The following BAIAP2L1 variants were observed in gnomAD, a reference collection of about 807,000 sequenced individuals.
BAIAP2L1 encodes the protein BAR/IMD domain containing adaptor protein 2 like 1, also known as BAR/IMD domain-containing adapter protein 2-like 1.
BAIAP2L1 carries 35 observed loss-of-function variants against 66.3 expected under a neutral mutation model. That is an observed-to-expected ratio of 0.53 (90% CI 0.40 to 0.70). The LOEUF (loss-of-function observed/expected upper bound fraction) is 0.70, where lower values mean the gene tolerates loss of function less well. Ranked by LOEUF, BAIAP2L1 falls within the 30% of genes least tolerant of loss-of-function variation. The pLI is 0.00. For missense variants in BAIAP2L1, 622 were observed against 656.9 expected (o/e 0.95, Z 0.58); for synonymous variants, 269 against 248.7 (o/e 1.08, Z -0.77).
chr7:98,365,464 C>A (rs188965226), intron 1 of BAIAP2L1, among the ~76,000 whole-genome samples: 123 of 152,110 alleles, frequency 8.1e-4, no homozygotes, highest in African/African-American at 2.8e-3. Flanking sequence ...TTCTTGATTG[C>A]TCTTTTTGTT....
intron 1 of BAIAP2L1, among the ~76,000 whole-genome samples, chr7:98,399,018 A>G (rs1312682957): frequency 1.3e-5 from 2 of 152,190 alleles, no homozygotes; most frequent in Admixed American, 6.6e-5. Flanking sequence ...CAGAGCAGCC[A>G]CTACTTACTT....
At chr7:98,339,156 T>C (rs576529002) in intron 3 of BAIAP2L1, among the ~76,000 whole-genome samples, 31 of 152,030 alleles carry the variant, frequency 2.0e-4, no homozygotes, top group African/African-American at 7.0e-4. Context: ...TCCTTGGTCA[T>C]ACGGTAATTC....
intron 1 of BAIAP2L1, among the ~76,000 whole-genome samples, chr7:98,388,441 C>T (rs572675577): frequency 2.0e-5 from 3 of 152,170 alleles, no homozygotes; most frequent in East Asian, 1.9e-4. Flanking sequence ...TGCAGTGAGC[C>T]GAGATCGCAC....
At chr7:98,332,809 CAAAAAAAAAAAA>C (rs55756451) in intron 3 of BAIAP2L1, among the ~76,000 whole-genome samples, 1 of 83,706 alleles carries the variant, frequency 1.2e-5, no homozygotes, top group Non-Finnish European at 2.2e-5. Flanking sequence ...ACTTCGTCCC[CAAAAAAAAAAAA>C]AAAAAAAAAA....
intron 12 of BAIAP2L1, among the ~76,000 whole-genome samples, chr7:98,301,922 C>T (rs927258188): frequency 6.6e-6 from 1 of 152,116 alleles, no homozygotes; most frequent in African/African-American, 2.4e-5. Flanking sequence ...TCACCCCCTG[C>T]AGGCAGCCCC....
intron 12 of BAIAP2L1, among the ~76,000 whole-genome samples, chr7:98,301,559 C>T (rs1181875081): frequency 2.0e-5 from 3 of 151,476 alleles, no homozygotes; most frequent in Admixed American, 6.6e-5. Flanking sequence ...CCTCGTGATC[C>T]GCCCACTTCG....
chr7:98,382,908 C>T (rs1802792244), intron 1 of BAIAP2L1, among the ~76,000 whole-genome samples: 1 of 152,126 alleles, frequency 6.6e-6, no homozygotes, highest in Admixed American at 6.6e-5. Context: ...TTGCTTTGTT[C>T]TTAGAGGTAC....
chr7:98,381,222 A>G (rs1190347066), intron 1 of BAIAP2L1, among the ~76,000 whole-genome samples: 1 of 152,170 alleles, frequency 6.6e-6, no homozygotes, highest in Non-Finnish European at 1.5e-5. Context: ...TTTCCAGGCA[A>G]AAGTCCTTAC....
intron 3 of BAIAP2L1, among the ~76,000 whole-genome samples, chr7:98,339,568 G>A (rs1584468753): frequency 2.6e-5 from 4 of 152,186 alleles, no homozygotes; most frequent in Admixed American, 2.6e-4. Context: ...TGGCACCATG[G>A]TGTGCCCGGG....
At position 98,306,462 on chromosome 7, in the gene BAIAP2L1, T is replaced by C. The variant is rs1385819279; in HGVS notation, c.1218A>G (p.Glu406=). The C allele has an allele frequency of 1.9e-6, 3 of 1,614,126 alleles. No individual in the cohort carries two copies. The Admixed American group carries it at 5.0e-5, about 27-fold the overall frequency. The change falls in exon 11 of 14, where the codon GAA becomes GAG. Residue 406 remains glutamate (E), a synonymous_variant. Transcript: ENST00000005260. ...YTKLLEENET[E]AVTVPTPSPT... is the part of the protein sequence containing the mutation. ...ACCTTGGCGTGGGCACGGTCACTGC[T>C]TCTGTCTCATTTTCTTCCAGCAACT... is the stretch of plus-strand genomic sequence containing the variant.
chr7:98,334,605 C>T (rs1443206468), intron 3 of BAIAP2L1, among the ~76,000 whole-genome samples: 1 of 151,984 alleles, frequency 6.6e-6, no homozygotes, highest in African/African-American at 2.4e-5. Context: ...AGTGCAGTGG[C>T]ACGACCTCGG....
intron 9 of BAIAP2L1, chr7:98,308,142 G>A (rs1481072925): frequency 1.6e-6 from 1 of 634,206 alleles, no homozygotes; most frequent in East Asian, 3.3e-5. Flanking sequence ...GCGGCTGCGG[G>A]CTCTTTTCCA....
intron 1 of BAIAP2L1, among the ~76,000 whole-genome samples, chr7:98,367,058 AT>A (rs71292948): frequency 0.027 from 3,860 of 144,350 alleles, 52 homozygotes; most frequent in Middle Eastern, 0.06. Context: ...AGGTAATTAA[AT>A]TTTTTTTTTT....
intron 1 of BAIAP2L1, among the ~76,000 whole-genome samples, chr7:98,393,411 TG>T (rs1031035321): frequency 5.9e-5 from 9 of 151,698 alleles, no homozygotes; most frequent in African/African-American, 2.2e-4. Context: ...GAGCTCGGAG[TG>T]GGGTGCAAAG....
chr7:98,367,933 C>T (rs1487111015), intron 1 of BAIAP2L1, among the ~76,000 whole-genome samples: 1 of 151,790 alleles, frequency 6.6e-6, no homozygotes, highest in South Asian at 2.1e-4. Flanking sequence ...CGGGTTTCAT[C>T]ATTTCTATGA....
In BAIAP2L1 at chr7:98,315,543, G is replaced by C; in HGVS notation, c.556C>G (p.Leu186Val). 1 of 1,519,024 alleles carries C rather than the reference G, an allele frequency of 6.6e-7. No homozygotes were observed. 94.1% of individuals were successfully genotyped at this position (1,519,024 alleles called of 1,614,324 possible). The change falls in exon 7 of 14, where the codon CTG becomes GTG. Residue 186 changes from leucine to valine, a missense_variant. Leu to Val is a conservative substitution (Grantham distance 32, BLOSUM62 1). Coordinates refer to ENST00000005260, the MANE Select transcript of BAIAP2L1 (RefSeq NM_018842.5). ...CAGAAGCGCCTCTTCTCTTCAAGCA[G>C]AGCCTCTTTGCAACCATCTGCAATG... ...KFIADGCKEALLEEKRRFCFL... is the reference protein window; with the variant it reads ...KFIADGCKEAVLEEKRRFCFL...
At chr7:98,350,658 C>T (rs1801979905) in intron 3 of BAIAP2L1, among the ~76,000 whole-genome samples, 1 of 151,980 alleles carries the variant, frequency 6.6e-6, no homozygotes, top group South Asian at 2.1e-4. Context: ...GACTTCGTCT[C>T]AAGAACAAAA....
intron 3 of BAIAP2L1, among the ~76,000 whole-genome samples, chr7:98,339,858 T>C (rs2115626900): frequency 1.3e-5 from 2 of 152,296 alleles, no homozygotes; most frequent in South Asian, 4.1e-4. Flanking sequence ...GTAGCGCTTG[T>C]GAACAAGGAT....
chr7:98,359,143 G>A (rs1802207477), intron 2 of BAIAP2L1, among the ~76,000 whole-genome samples: 1 of 152,204 alleles, frequency 6.6e-6, no homozygotes. Context: ...CTGGAGAACT[G>A]CCCTGCCTTA....
Sources: allele counts gnomAD v4.1 joint callset (sites outside exome capture counted in the v4.1 genomes callset), GRCh38; gene constraint gnomAD v4.1.1; transcripts MANE v1.5; gene names NCBI Gene and HGNC (gene_info 2026-07-23, HGNC 2026-07-21).